LRRC72: variants seen among roughly 807,000 people sequenced by gnomAD.
LRRC72 encodes the protein leucine-rich repeat-containing protein 72.
A neutral mutation model predicts 35.8 loss-of-function variants in LRRC72; 41 were observed. The ratio of observed to expected loss-of-function variants is 1.15; its 90% CI spans 0.89 to 1.49. The LOEUF is 1.49. Among genes scored for constraint, LRRC72 ranks in the 40% most tolerant of loss-of-function variants. LRRC72 has a pLI of 0.00. For synonymous variants in LRRC72, 118 were observed against 119.2 expected, an observed-to-expected ratio of 0.99 and a Z score of 0.07; for missense variants, 389 against 330.7, an observed-to-expected ratio of 1.18 and a Z score of -1.37.
At chr7:16,574,711 C>T (rs930773626) in intron 7 of LRRC72, among the ~76,000 whole-genome samples, 1 of 151,870 alleles carries the variant, frequency 6.6e-6, no homozygotes, top group Non-Finnish European at 1.5e-5. Flanking sequence ...GATGGGTTGA[C>T]GGGTGCAGCA....
At chr7:16,540,187 C>T (rs755211823) in intron 3 of LRRC72, among the ~76,000 whole-genome samples, 7 of 152,164 alleles carry the variant, frequency 4.6e-5, no homozygotes, top group Non-Finnish European at 8.8e-5. Context: ...AGGAGCCCAC[C>T]CTTTGCATCA....
intron 3 of LRRC72, among the ~76,000 whole-genome samples, chr7:16,552,864 CAGGTACTCAAGCCTGGGTCAA>C (rs1782578306): frequency 6.6e-6 from 1 of 152,156 alleles, no homozygotes; most frequent in South Asian, 2.1e-4. Flanking sequence ...TGGTTTCCAG[CAGGTACTCAAGCCTGGGTCAA>C]AGCCTACCCA....
chr7:16,581,280 T>G (rs1170279038), intron 8 of LRRC72, 44 bp from the exon 9 acceptor site: 1 of 1,409,306 alleles, frequency 7.1e-7, no homozygotes, highest in Non-Finnish European at 9.3e-7. Flanking sequence ...CAAATTTTCA[T>G]TTTTGATTGC....
intron 5 of LRRC72, among the ~76,000 whole-genome samples, chr7:16,560,879 T>C (rs904952607): frequency 6.6e-6 from 1 of 152,144 alleles, no homozygotes; most frequent in African/African-American, 2.4e-5. Flanking sequence ...AATCATATAG[T>C]AATATGTTTG....
intron 3 of LRRC72, among the ~76,000 whole-genome samples, chr7:16,552,243 T>A (rs1308338421): frequency 1.3e-5 from 2 of 152,238 alleles, no homozygotes; most frequent in African/African-American, 4.8e-5. Flanking sequence ...CACATATCTA[T>A]TCAGGGATGT....
intron 2 of LRRC72, 27 bp downstream of exon 2, chr7:16,532,595 AAG>A: frequency 7.0e-7 from 1 of 1,433,738 alleles, no homozygotes; most frequent in Non-Finnish European, 9.6e-7. Context: ...TAAAAAATGA[AAG>A]AGTATCATGT....
intron 5 of LRRC72, among the ~76,000 whole-genome samples, chr7:16,561,170 AT>A (rs1226771204): frequency 1.3e-5 from 2 of 152,234 alleles, no homozygotes; most frequent in Non-Finnish European, 2.9e-5. Flanking sequence ...TAGGACTCAA[AT>A]TTGAACAAGA....
intron 3 of LRRC72, among the ~76,000 whole-genome samples, chr7:16,554,853 C>T (rs1017248969): frequency 2.1e-4 from 32 of 152,094 alleles, no homozygotes; most frequent in African/African-American, 6.5e-4. Flanking sequence ...TAATGAGCAA[C>T]GCAAGAGAAA....
At chr7:16,560,170 C>G (rs1782721992) in intron 5 of LRRC72, among the ~76,000 whole-genome samples, 1 of 152,062 alleles carries the variant, frequency 6.6e-6, no homozygotes, top group South Asian at 2.1e-4. Flanking sequence ...GTTTAGAGAC[C>G]TCTTTATAAT....
At chr7:16,568,939 C>A (rs955248759) in intron 7 of LRRC72, among the ~76,000 whole-genome samples, 15 of 151,718 alleles carry the variant, frequency 9.9e-5, no homozygotes, top group African/African-American at 3.4e-4. Context: ...CAAGAATGAG[C>A]GAAAGGTAAA....
intron 3 of LRRC72, among the ~76,000 whole-genome samples, chr7:16,550,730 T>A (rs1182139459): frequency 6.6e-6 from 1 of 152,250 alleles, no homozygotes; most frequent in African/African-American, 2.4e-5. Context: ...ACTAAGGAAA[T>A]GAGCATTTAA....
intron 2 of LRRC72, 64 bp downstream of exon 2, chr7:16,532,632 C>T: frequency 8.1e-7 from 1 of 1,237,666 alleles, no homozygotes; most frequent in Non-Finnish European, 1.2e-6. Flanking sequence ...TAAAATGTTT[C>T]ACAGATTCAA....
intron 3 of LRRC72, among the ~76,000 whole-genome samples, chr7:16,549,346 GGATA>G (rs908950473): frequency 1.3e-5 from 2 of 152,164 alleles, no homozygotes; most frequent in Non-Finnish European, 2.9e-5. Flanking sequence ...AAAAGATATT[GGATA>G]GATATTATGG....
intron 4 of LRRC72, among the ~76,000 whole-genome samples, chr7:16,558,642 G>A (rs1304822543): frequency 6.6e-6 from 1 of 151,788 alleles, no homozygotes; most frequent in African/African-American, 2.4e-5. Context: ...GGAAAACAAT[G>A]ACAGTGGAAA....
intron 3 of LRRC72, among the ~76,000 whole-genome samples, chr7:16,547,659 G>A (rs114352569): frequency 1.4e-4 from 21 of 152,326 alleles, no homozygotes; most frequent in African/African-American, 2.6e-4. Flanking sequence ...AAGCCTGGGC[G>A]CTGTCACAAC....
chr7:16,535,921 G>A (rs1456940737), intron 2 of LRRC72, among the ~76,000 whole-genome samples: 1 of 152,152 alleles, frequency 6.6e-6, no homozygotes, highest in African/African-American at 2.4e-5. Context: ...CACCCAGGCT[G>A]GAGTGCCATG....
At chr7:16,572,553 C>A (rs968114892) in intron 7 of LRRC72, among the ~76,000 whole-genome samples, 10 of 152,146 alleles carry the variant, frequency 6.6e-5, no homozygotes, top group African/African-American at 2.4e-4. Flanking sequence ...TGACAAAAAC[C>A]ACATGATTAT....
At chr7:16,563,443 G>T (rs1782776316) in intron 5 of LRRC72, among the ~76,000 whole-genome samples, 2 of 152,130 alleles carry the variant, frequency 1.3e-5, no homozygotes, top group Non-Finnish European at 2.9e-5. Context: ...CAGTGCTGGC[G>T]CCACTGAGGT....
At chr7:16,579,804 C>T (rs1783108693) in intron 7 of LRRC72, among the ~76,000 whole-genome samples, 1 of 152,032 alleles carries the variant, frequency 6.6e-6, no homozygotes, top group Non-Finnish European at 1.5e-5. Flanking sequence ...TATAAATTGA[C>T]TAAGCTTTCT....
Sources: gnomAD v4.1 joint callset for allele counts (sites outside exome capture counted in the v4.1 genomes callset) on GRCh38, gnomAD v4.1.1 for gene constraint, MANE v1.5 for transcripts, NCBI Gene and HGNC (gene_info 2026-07-23, HGNC 2026-07-21) for gene names.